Variants in PTGIR observed in about 807,000 individuals in gnomAD.
The protein encoded by PTGIR is prostaglandin I2 receptor.
In PTGIR, 16 loss-of-function variants were observed where a neutral mutation model predicts 17.6. That is an observed-to-expected ratio of 0.91 (90% CI 0.61 to 1.38). The LOEUF is 1.38. Ranked by LOEUF, PTGIR falls within the 40% of genes most tolerant of loss-of-function variation. PTGIR has a pLI of 0.00. For missense variants in PTGIR, 532 were observed against 548.6 expected (o/e 0.97, Z 0.30); for synonymous variants, 274 against 255.4 (o/e 1.07, Z -0.69).
Position 46,621,188 on chromosome 19 carries a change from G to T in PTGIR, c.*92C>A. 3.5e-6 allele frequency: 5 copies of T among 1,431,176 alleles called. No individual in the cohort carries two copies. Among genetic ancestry groups the T allele is most frequent in the Non-Finnish European group, 4.6e-6 (5 of 1,088,560 alleles). 88.7% of individuals were successfully genotyped at this position (1,431,176 alleles called of 1,614,324 possible). ...TCGGCCCCAGAGTTTGGGGGCCAAG[G>T]TTCCAGCATCCGCAGCCATCAGCCA... On this transcript the variant is annotated 3_prime_UTR_variant, in exon 3 of 3. Coordinates refer to ENST00000291294, the MANE Select transcript of PTGIR (RefSeq NM_000960.4). This position sits in a 1 kb window ranked among gnomAD's most constrained non-coding sequence, Gnocchi z 4.8.
At chr19:46,619,517 GAAAGAAAGAAAGAA>G (rs1972010723), downstream of PTGIR, among the ~76,000 whole-genome samples, 1 of 64,188 alleles carries the variant, frequency 1.6e-5, no homozygotes, top group Non-Finnish European at 2.7e-5. Flanking sequence ...AAGAAAGAAA[GAAAGAAAGAAAGAA>G]AGAAAGAAAG....
At chr19:46,616,421 C>T (rs1438362419), downstream of PTGIR, among the ~76,000 whole-genome samples, 1 of 146,850 alleles carries the variant, frequency 6.8e-6, no homozygotes, top group African/African-American at 2.5e-5. Flanking sequence ...GCAACCTCTG[C>T]CTCCTGGGTT....
chr19:46,615,595 T>C (rs1476305815), downstream of PTGIR, among the ~76,000 whole-genome samples: 1 of 151,946 alleles, frequency 6.6e-6, no homozygotes, highest in African/African-American at 2.4e-5. Flanking sequence ...AAGCTCCACC[T>C]CCCCGGTTCA....
rs4987262 is a variant in PTGIR, at chr19:46,623,592, G to A, written c.634C>T (p.Arg212Cys). ...CNGSVTLSLC[R>C]MYRQQKRHQG... ...TGGCGCTTCTGCTGGCGGTACATGC[G>A]GCAGAGGCTGAGGGTGACCGAGCCG... Residue 212 changes from arginine (R) to cysteine (C), a missense_variant, in exon 2 of 3, where the codon CGC becomes TGC. Transcript: ENST00000291294. The A allele has an allele frequency of 9.0e-3, 13,897 of 1,550,332 alleles. 86 individuals carry two copies. The highest frequency in any genetic ancestry group is 0.013 in the East Asian group (549 of 41,084).
At chr19:46,616,352 T>TTTTTTTG (rs1971963251), downstream of PTGIR, among the ~76,000 whole-genome samples, 1 of 144,318 alleles carries the variant, frequency 6.9e-6, no homozygotes, top group African/African-American at 2.6e-5. Flanking sequence ...TTTTTTTTTT[T>TTTTTTTG]AGACAAAGTC....
In PTGIR at chr19:46,623,463, G is replaced by A; in HGVS notation, c.763C>T (p.Leu255Phe). 1 of 1,556,908 alleles carries A rather than the reference G, an allele frequency of 6.4e-7. No homozygotes were observed. Reference protein sequence around the residue: ...TVVMAVCSLPLTIRCFTQAVA... With the variant: ...TVVMAVCSLPFTIRCFTQAVA... The stretch of plus-strand genomic sequence containing the variant: ...CAGCTCCGGAGGGGACTCACCGTGA[G>A]AGGCAGGGAGCACACGGCCATGACC... The change falls in exon 2 of 3, where the codon CTC becomes TTC. Residue 255 changes from leucine (L) to phenylalanine (F), a missense_variant. Physicochemically the swap from Leu to Phe is conservative, Grantham distance 22. Transcript: ENST00000291294.
intron 2 of PTGIR, chr19:46,622,077 A>G: frequency 1.0e-6 from 1 of 985,444 alleles, no homozygotes; most frequent in Non-Finnish European, 1.2e-6. Flanking sequence ...GTAACCCCCA[A>G]AAAAGATTTA....
downstream of PTGIR, among the ~76,000 whole-genome samples, chr19:46,619,531 A>G (rs1207048029): frequency 2.4e-3 from 172 of 70,550 alleles, 1 homozygote; most frequent in East Asian, 4.9e-3. Flanking sequence ...GAAAGAAAGA[A>G]AGAAAGAAAG....
chr19:46,618,928 T>C (rs1157690043), downstream of PTGIR, among the ~76,000 whole-genome samples: 1 of 152,206 alleles, frequency 6.6e-6, no homozygotes, highest in Non-Finnish European at 1.5e-5. Flanking sequence ...TTAAATTGTA[T>C]CTGTCCAAAT....
chr19:46,621,707 G>C lies in PTGIR; in HGVS notation c.769-35C>G. 6.3e-7 allele frequency: 1 copy of C among 1,580,980 alleles called. No homozygotes were observed. The highest frequency in any genetic ancestry group is 8.6e-7 in the Non-Finnish European group (1 of 1,161,678). On this transcript the variant is annotated intron_variant, in intron 2 of 2. Transcript: ENST00000291294. This position sits in a 1 kb window ranked among gnomAD's most constrained non-coding sequence, Gnocchi z 4.8. ...GGGTGAGGGCGTCAAGGAGCACCCA[G>C]GAGTCCTCAGCCTCCCCACCCTGGC...
rs1348180359 is a variant in PTGIR, at chr19:46,621,164, C to T, written c.*116G>A. 5.0e-6 allele frequency: 7 copies of T among 1,395,962 alleles called. No individual in the cohort carries two copies. The highest frequency in any genetic ancestry group is 2.2e-5 in the South Asian group (1 of 46,236). The allele number at this position is 1,395,962 out of a possible 1,614,324, so 86.5% of individuals were successfully genotyped here. On this transcript the variant is annotated 3_prime_UTR_variant, in exon 3 of 3. Coordinates refer to ENST00000291294, the MANE Select transcript of PTGIR (RefSeq NM_000960.4). This position sits in a 1 kb window ranked among gnomAD's most constrained non-coding sequence, Gnocchi z 4.8. ...TGCCGCAGGAGAAACAGCAGCTGAT[C>T]GGCCCCAGAGTTTGGGGGCCAAGGT...
chr19:46,623,218 A>T (rs962028319), intron 2 of PTGIR: 24 of 423,092 alleles, frequency 5.7e-5, no homozygotes, highest in African/African-American at 4.6e-4. Context: ...ACTGGTCTCG[A>T]ACTCCTGACC....
rs1459769286 is a variant in PTGIR at position 46,623,973 on chromosome 19, C to T, written c.253G>A (p.Ala85Thr). The change falls in exon 2 of 3, where the codon GCC becomes ACC. Residue 85 changes from alanine to threonine, a missense_variant. Transcript: ENST00000291294. ...TCGCACAGGGCGGGGCCGCCTCGGG[C>T]CAGGCCCAGCAGGGAGCTGTTGCGC... ...YARNSSLLGLARGGPALCDAF... is the reference protein window; with the variant it reads ...YARNSSLLGLTRGGPALCDAF... 1 of 1,571,604 alleles carries T rather than the reference C, an allele frequency of 6.4e-7. No homozygotes were observed. Among genetic ancestry groups the T allele is most frequent in the Non-Finnish European group, 8.6e-7 (1 of 1,157,906 alleles).
chr19:46,622,183 G>A (rs569661762), intron 2 of PTGIR: 15 of 985,262 alleles, frequency 1.5e-5, no homozygotes, highest in Non-Finnish European at 1.8e-5. Context: ...CAGACACTGA[G>A]TGGGTACCAG....
rs1334117553 is a variant in PTGIR at position 46,621,526 on chromosome 19, G to A, written c.915C>T (p.Leu305=). The change falls in exon 3 of 3, where the codon CTC becomes CTT. Residue 305 remains leucine (L), a synonymous_variant. Transcript: ENST00000291294. The surrounding 1 kb of genome is among the most constrained non-coding windows in gnomAD (Gnocchi z 4.8). The part of the protein sequence containing the change: ...FRKAVFQRLK[L]WVCCLCLGPA... ...GCCCGAGGCACAGGCAGCAGACCCA[G>A]AGCTTGAGTCGCTGGAAGACAGCCT... The A allele has an allele frequency of 3.1e-6, 5 of 1,614,230 alleles. No individual in the cohort carries two copies. Among genetic ancestry groups the A allele is most frequent in the Non-Finnish European group, 4.2e-6 (5 of 1,180,048 alleles).
At chr19:46,616,326 C>CTTTTTT (rs1021116711), downstream of PTGIR, among the ~76,000 whole-genome samples, 21 of 66,544 alleles carry the variant, frequency 3.2e-4, 3 homozygotes, top group African/African-American at 1.2e-3. Flanking sequence ...GACAGAAATG[C>CTTTTTT]TTTTTTTTTT....
At chr19:46,613,085 C>G in the PTGIR span, among the ~76,000 whole-genome samples, 2 of 123,800 alleles carry the variant, frequency 1.6e-5, no homozygotes, top group Non-Finnish European at 3.2e-5. Context: ...CTCTTGTCTC[C>G]CAGGCTGGAG....
rs2052721990 is a variant in PTGIR, at chr19:46,621,187, G to C, written c.*93C>G. The C allele has an allele frequency of 2.1e-6, 3 of 1,427,822 alleles. No homozygotes were observed. The highest frequency in any genetic ancestry group is 2.5e-5 in the Admixed American group (1 of 40,008). 88.4% of individuals were successfully genotyped at this position (1,427,822 alleles called of 1,614,324 possible). On this transcript the variant is annotated 3_prime_UTR_variant, in exon 3 of 3. Coordinates refer to ENST00000291294, the MANE Select transcript of PTGIR (RefSeq NM_000960.4). This position sits in a 1 kb window ranked among gnomAD's most constrained non-coding sequence, Gnocchi z 4.8. ...ATCGGCCCCAGAGTTTGGGGGCCAA[G>C]GTTCCAGCATCCGCAGCCATCAGCC...
downstream of PTGIR, among the ~76,000 whole-genome samples, chr19:46,619,997 T>G (rs58079457): frequency 0.25 from 37,836 of 152,054 alleles, 4,883 homozygotes; most frequent in East Asian, 0.4. Flanking sequence ...ATGAGAAGCC[T>G]GTGTGGATGG....
Sources: allele counts gnomAD v4.1 joint callset (sites outside exome capture counted in the v4.1 genomes callset), GRCh38; gene constraint gnomAD v4.1.1; non-coding constraint Gnocchi (gnomAD v3.1); transcripts MANE v1.5; gene names NCBI Gene and HGNC (gene_info 2026-07-23, HGNC 2026-07-21).